The following POU3F3 variants were observed in gnomAD, a reference collection of about 807,000 sequenced individuals.
POU3F3 encodes the protein POU class 3 homeobox 3.
In POU3F3, 1 loss-of-function variant was observed where a neutral mutation model predicts 8.6. The ratio of observed to expected loss-of-function variants is 0.12; its 90% CI spans 0.04 to 0.55. The LOEUF is 0.55. Ranked by LOEUF, POU3F3 falls within the 20% of genes least tolerant of loss-of-function variation. The pLI is 0.91. For synonymous variants in POU3F3, 418 were observed against 327.4 expected (o/e 1.28, Z -2.99); for missense variants, 577 against 690.7 (o/e 0.84, Z 1.84).
the POU3F3 span, among the ~76,000 whole-genome samples, chr2:104,871,738 A>C: frequency 6.6e-6 from 1 of 152,208 alleles, no homozygotes; most frequent in Non-Finnish European, 1.5e-5. Context: ...ATGGGATCAT[A>C]AAGTACCTAG....
chr2:104,880,257 T>A, the POU3F3 span, among the ~76,000 whole-genome samples: 3 of 152,182 alleles, frequency 2.0e-5, no homozygotes, highest in Admixed American at 2.0e-4. Flanking sequence ...ATGGAAAGAT[T>A]CCTCGTGCCA....
At chr2:104,870,611 T>A in the POU3F3 span, among the ~76,000 whole-genome samples, 1 of 152,240 alleles carries the variant, frequency 6.6e-6, no homozygotes, top group Non-Finnish European at 1.5e-5. Context: ...TGAGCAGAGA[T>A]GACCTACATC....
chr2:104,872,365 T>A, the POU3F3 span: 2 of 456,462 alleles, frequency 4.4e-6, no homozygotes, highest in South Asian at 1.6e-5. The surrounding 1 kb of genome is among the most constrained non-coding windows in gnomAD (Gnocchi z 4.6). Context: ...CTCTGAGCTC[T>A]GGAGCCCGCT....
At chr2:104,917,128 C>G in the POU3F3 span, among the ~76,000 whole-genome samples, 2 of 152,314 alleles carry the variant, frequency 1.3e-5, no homozygotes, top group East Asian at 3.9e-4. Context: ...CCACTGGCTC[C>G]CCTGGTTGGG....
chr2:104,881,114 A>G, the POU3F3 span, among the ~76,000 whole-genome samples: 1 of 100,940 alleles, frequency 9.9e-6, no homozygotes, highest in Non-Finnish European at 2.2e-5. Flanking sequence ...TTCTTTCTTT[A>G]TTTCTTACTT....
the POU3F3 span, among the ~76,000 whole-genome samples, chr2:104,905,034 C>T: frequency 6.6e-6 from 1 of 152,184 alleles, no homozygotes; most frequent in African/African-American, 2.4e-5. Context: ...TTAACCAGCA[C>T]AGACAACTGC....
At chr2:104,898,311 G>C in the POU3F3 span, among the ~76,000 whole-genome samples, 14 of 152,212 alleles carry the variant, frequency 9.2e-5, no homozygotes, top group African/African-American at 3.1e-4. Flanking sequence ...ACGTCACCCA[G>C]TGTATAATGC....
chr2:104,927,673 A>G, the POU3F3 span, among the ~76,000 whole-genome samples: 6 of 150,490 alleles, frequency 4.0e-5, no homozygotes, highest in Admixed American at 4.0e-4. Flanking sequence ...TTCAAGCCCA[A>G]GAGTTTAAGG....
At chr2:104,867,389 C>A in the POU3F3 span, 1 of 152,282 alleles carries the variant, frequency 6.6e-6, no homozygotes, top group Non-Finnish European at 1.5e-5. The surrounding 1 kb of genome is among the most constrained non-coding windows in gnomAD (Gnocchi z 5.0). Flanking sequence ...AAAGCTATAA[C>A]AAAGGCTCCC....
chr2:104,907,906 T>G, the POU3F3 span, among the ~76,000 whole-genome samples: 1 of 152,154 alleles, frequency 6.6e-6, no homozygotes, highest in East Asian at 1.9e-4. Flanking sequence ...TACTATGATA[T>G]GGATACTGGA....
the POU3F3 span, among the ~76,000 whole-genome samples, chr2:104,925,581 C>G: frequency 6.6e-6 from 1 of 151,994 alleles, no homozygotes; most frequent in Non-Finnish European, 1.5e-5. Flanking sequence ...CCATGCAGAA[C>G]CTAGAGAAGG....
chr2:104,855,313 CGGGGGCGGAGGCGGCGGCGGA>C lies in POU3F3; in HGVS notation c.-195_-175del, dbSNP rs1676528396. On this transcript the variant is annotated 5_prime_UTR_variant, in exon 1 of 1. Coordinates refer to ENST00000361360, the MANE Select transcript of POU3F3 (RefSeq NM_006236.3). ...GGGGCCGCGGCGGCGGCGGCGGCGGCGGGGGCGGAGGCGGCGGCGGAGGAGGAGGCGGCGAAGGCGGCGGGG... is the reference window on the plus strand; with the variant it reads ...GGGGCCGCGGCGGCGGCGGCGGCGGCGGAGGAGGCGGCGAAGGCGGCGGGG... Among the ~76,000 whole-genome samples, 1 of 141,480 alleles carries C rather than the reference CGGGGGCGGAGGCGGCGGCGGA, an allele frequency of 7.1e-6. No individual in the cohort carries two copies. Among genetic ancestry groups the C allele is most frequent in the Non-Finnish European group, 1.6e-5 (1 of 64,316 alleles). 92.8% of individuals were successfully genotyped at this position (141,480 alleles called of 152,430 possible). A position where few individuals can be genotyped will look rare whatever the true frequency, so the allele number is the denominator to read the frequency against.
the POU3F3 span, among the ~76,000 whole-genome samples, chr2:104,869,390 T>A: frequency 1.3e-5 from 2 of 152,218 alleles, no homozygotes; most frequent in African/African-American, 4.8e-5. Flanking sequence ...TCTCTTTATG[T>A]CCATTTTCAA....
At chr2:104,907,826 C>A in the POU3F3 span, among the ~76,000 whole-genome samples, 3 of 152,054 alleles carry the variant, frequency 2.0e-5, no homozygotes, top group African/African-American at 7.2e-5. Flanking sequence ...TTGGTGATAA[C>A]GGGGCCCCTT....
chr2:104,903,554 C>CA, the POU3F3 span, among the ~76,000 whole-genome samples: 1 of 152,176 alleles, frequency 6.6e-6, no homozygotes, highest in Non-Finnish European at 1.5e-5. Flanking sequence ...AGGCAGTAGA[C>CA]AAAATGTTAC....
chr2:104,880,187 C>T, the POU3F3 span, among the ~76,000 whole-genome samples: 2 of 152,142 alleles, frequency 1.3e-5, no homozygotes, highest in Non-Finnish European at 2.9e-5. Context: ...TCCCCACCCG[C>T]CTCCGCCCCC....
the POU3F3 span, among the ~76,000 whole-genome samples, chr2:104,918,487 G>T: frequency 6.6e-6 from 1 of 152,148 alleles, no homozygotes; most frequent in African/African-American, 2.4e-5. Context: ...TGGAGGGTGG[G>T]CCCTAATGCA....
At chr2:104,890,368 T>C in the POU3F3 span, among the ~76,000 whole-genome samples, 60 of 152,284 alleles carry the variant, frequency 3.9e-4, no homozygotes, top group Admixed American at 3.1e-3. Context: ...GCGAGCCTGA[T>C]CTTTCTCGGT....
the POU3F3 span, among the ~76,000 whole-genome samples, chr2:104,918,451 A>G: frequency 1.3e-5 from 2 of 152,184 alleles, no homozygotes; most frequent in Admixed American, 1.3e-4. Flanking sequence ...TTGCAGCTGT[A>G]ATGAGTTAAG....
Sources: allele counts gnomAD v4.1 joint callset (sites outside exome capture counted in the v4.1 genomes callset), GRCh38; gene constraint gnomAD v4.1.1; non-coding constraint Gnocchi (gnomAD v3.1); transcripts MANE v1.5; gene names NCBI Gene and HGNC (gene_info 2026-07-23, HGNC 2026-07-21).